Variants in AXDND1 observed in about 807,000 individuals in gnomAD.
The protein encoded by AXDND1 is axonemal dynein light chain domain-containing protein 1.
In AXDND1, 110 loss-of-function variants were observed where a neutral mutation model predicts 137.5. The ratio of observed to expected loss-of-function variants is 0.80; its 90% confidence interval spans 0.69 to 0.94. The LOEUF (loss-of-function observed/expected upper bound fraction) is 0.94. Among genes scored for constraint, AXDND1 ranks in the 40% least tolerant of loss-of-function variants. The pLI is 0.00. For missense variants in AXDND1, 1,191 were observed against 1,169.8 expected, an observed-to-expected ratio of 1.02 and a Z score of -0.26; for synonymous variants, 414 against 399.7, an observed-to-expected ratio of 1.04 and a Z score of -0.43.
intron 12 of AXDND1, among the ~76,000 whole-genome samples, chr1:179,423,017 G>A (rs1656010807): frequency 6.6e-6 from 1 of 152,198 alleles, no homozygotes; most frequent in East Asian, 1.9e-4. Flanking sequence ...GCCCACCTTA[G>A]TCTCCCAAAG....
intron 12 of AXDND1, among the ~76,000 whole-genome samples, chr1:179,427,885 A>G (rs1178350896): frequency 1.3e-5 from 2 of 151,914 alleles, no homozygotes; most frequent in African/African-American, 4.8e-5. Context: ...CCATCTTCAG[A>G]GACAAAAGAC....
intron 25 of AXDND1, among the ~76,000 whole-genome samples, chr1:179,548,386 G>A (rs928017): frequency 0.66 from 99,699 of 152,058 alleles, 33,014 homozygotes; most frequent in African/African-American, 0.72. Flanking sequence ...TTAGTAATAT[G>A]TCCAAGGTTA....
intron 12 of AXDND1, among the ~76,000 whole-genome samples, chr1:179,417,537 A>G (rs899375884): frequency 3.9e-5 from 6 of 152,224 alleles, no homozygotes; most frequent in East Asian, 3.9e-4. Flanking sequence ...ATGGTGAGAA[A>G]TAGGGGGTCT....
At chr1:179,372,121 C>T (rs1437813381) in intron 4 of AXDND1, among the ~76,000 whole-genome samples, 1 of 152,158 alleles carries the variant, frequency 6.6e-6, no homozygotes, top group Non-Finnish European at 1.5e-5. Flanking sequence ...CACAAATGCA[C>T]AACTAATAGT....
intron 25 of AXDND1, among the ~76,000 whole-genome samples, chr1:179,550,375 C>T (rs546932596): frequency 3.9e-5 from 6 of 152,154 alleles, no homozygotes; most frequent in African/African-American, 1.4e-4. Context: ...AATATTATTA[C>T]TGTTCGAAGA....
intron 18 of AXDND1, among the ~76,000 whole-genome samples, chr1:179,490,792 A>C (rs1015599194): frequency 6.6e-6 from 1 of 151,056 alleles, no homozygotes; most frequent in Admixed American, 6.6e-5. Context: ...ACAACCACCA[A>C]TCAAACCAGT....
At chr1:179,485,384 C>A (rs1490442068) in intron 18 of AXDND1, among the ~76,000 whole-genome samples, 1 of 152,188 alleles carries the variant, frequency 6.6e-6, no homozygotes, top group South Asian at 2.1e-4. Context: ...GGACCTGATA[C>A]CAGACCCTAG....
intron 16 of AXDND1, among the ~76,000 whole-genome samples, chr1:179,465,122 C>T (rs1378060785): frequency 6.6e-6 from 1 of 152,216 alleles, no homozygotes; most frequent in Non-Finnish European, 1.5e-5. Context: ...CTTCTCTCAA[C>T]TCATCAAAGT....
chr1:179,447,916 G>T, intron 16 of AXDND1: 2 of 1,369,198 alleles, frequency 1.5e-6, no homozygotes, highest in Non-Finnish European at 1.0e-6. Context: ...GGTTTGAGGT[G>T]GAGAGAGCGT....
At chr1:179,476,768 C>A (rs72721232) in intron 17 of AXDND1, among the ~76,000 whole-genome samples, 48,361 of 151,968 alleles carry the variant, frequency 0.32, 8,304 homozygotes, top group Middle Eastern at 0.43. Context: ...TTTTCTCTTG[C>A]CACTTTCAAG....
At chr1:179,467,103 T>C (rs1287301881) in intron 16 of AXDND1, among the ~76,000 whole-genome samples, 3 of 152,182 alleles carry the variant, frequency 2.0e-5, no homozygotes, top group Non-Finnish European at 4.4e-5. Context: ...ATGAAAGATA[T>C]TGAAGTTCCA....
intron 16 of AXDND1, chr1:179,449,018 T>G (rs1257902995): frequency 2.9e-6 from 1 of 347,754 alleles, no homozygotes; most frequent in Non-Finnish European, 5.7e-6. Flanking sequence ...TCTGAGTAGC[T>G]AGGACTACAG....
At chr1:179,486,596 T>C (rs1233198647) in intron 18 of AXDND1, among the ~76,000 whole-genome samples, 1 of 148,762 alleles carries the variant, frequency 6.7e-6, no homozygotes, top group Non-Finnish European at 1.5e-5. Context: ...GCAGGTCACC[T>C]GCAAAGCAAA....
At chr1:179,516,177 A>G (rs1359455038) in intron 21 of AXDND1, among the ~76,000 whole-genome samples, 4 of 151,686 alleles carry the variant, frequency 2.6e-5, no homozygotes. Flanking sequence ...TCTTTGTTGG[A>G]TTGGGTTAAT....
chr1:179,497,141 T>A (rs1667522334), intron 20 of AXDND1, among the ~76,000 whole-genome samples: 1 of 152,138 alleles, frequency 6.6e-6, no homozygotes, highest in Non-Finnish European at 1.5e-5. Flanking sequence ...CTGTTCCATG[T>A]ACAATTGAGA....
At chr1:179,418,222 T>C (rs1374265478) in intron 12 of AXDND1, among the ~76,000 whole-genome samples, 6 of 152,000 alleles carry the variant, frequency 3.9e-5, no homozygotes, top group Admixed American at 2.0e-4. Context: ...AAGCATCTGT[T>C]TAACAAAGCA....
In AXDND1 at chr1:179,381,921, C is replaced by T. The variant is rs1305012547; in HGVS notation, c.582-779C>T. Reference sequence around the variant, plus strand: ...TCAGCCTCCTGAGTAGCTGGGATTACAGGCACGCGCCACCACACCTAATTT... The same window carrying T: ...TCAGCCTCCTGAGTAGCTGGGATTATAGGCACGCGCCACCACACCTAATTT... On this transcript the variant is annotated intron_variant, in intron 6 of 25. Coordinates refer to ENST00000367618, the MANE Select transcript of AXDND1 (RefSeq NM_144696.6). Among the ~76,000 whole-genome samples, 43 of 147,696 alleles carry T rather than the reference C, an allele frequency of 2.9e-4. No individual in the cohort carries two copies. The Admixed American group carries it at 2.9e-3, about 10-fold the overall frequency.
chr1:179,378,050 A>G (rs1047047300), intron 4 of AXDND1, among the ~76,000 whole-genome samples: 2 of 152,066 alleles, frequency 1.3e-5, no homozygotes, highest in Non-Finnish European at 2.9e-5. Flanking sequence ...CGTGCTTGTA[A>G]TCCCAGCTAC....
At chr1:179,505,308 T>TC (rs1668429070) in intron 20 of AXDND1, among the ~76,000 whole-genome samples, 1 of 33,932 alleles carries the variant, frequency 2.9e-5, no homozygotes, top group African/African-American at 7.3e-5. Context: ...AGCTAATGTT[T>TC]CTGCTTCTTT....
Sources: gnomAD v4.1 joint callset for allele counts (sites outside exome capture counted in the v4.1 genomes callset) on GRCh38, gnomAD v4.1.1 for gene constraint, MANE v1.5 for transcripts, NCBI Gene and HGNC (gene_info 2026-07-23, HGNC 2026-07-21) for gene names.